The following AGPAT3 variants were observed in gnomAD, a reference collection of about 807,000 sequenced individuals.
AGPAT3 encodes 1-acylglycerol-3-phosphate O-acyltransferase 3, also known as 1-acyl-sn-glycerol-3-phosphate acyltransferase gamma.
Under a neutral mutation model 47.3 loss-of-function variants are expected in AGPAT3, and 5 were observed. The ratio of observed to expected loss-of-function variants is 0.11; its 90% CI spans 0.06 to 0.22. The LOEUF (loss-of-function observed/expected upper bound fraction) is 0.22. Among genes scored for constraint, AGPAT3 ranks in the 10% least tolerant of loss-of-function variants. AGPAT3 has a pLI of 1.00. For missense variants in AGPAT3, 315 were observed against 493.0 expected (o/e 0.64, Z 3.42); for synonymous variants, 212 against 208.3 (o/e 1.02, Z -0.15).
rs1601491812 is a variant in AGPAT3 at position 43,981,817 on chromosome 21, C to A, written c.1043-487C>A. On this transcript the variant is annotated intron_variant, in intron 9 of 9. Coordinates refer to ENST00000291572, the MANE Select transcript of AGPAT3 (RefSeq NM_020132.5). The surrounding 1 kb of genome is among the most constrained non-coding windows in gnomAD (Gnocchi z 5.3). The stretch of plus-strand genomic sequence containing the variant: ...CCAGCTCCTCCCCTGCTCCTGCCGC[C>A]CCTGCCAGGGGCCTTGGTGGGAGGG... 6.6e-6 allele frequency among the ~76,000 whole-genome samples: 1 copy of A among 152,156 alleles called. No individual in the cohort carries two copies. The highest frequency in any genetic ancestry group is 1.9e-4 in the East Asian group (1 of 5,186).
In AGPAT3 at chr21:43,939,110, C is replaced by G. The variant is rs902622452; in HGVS notation, c.-48-20524C>G. ...GCTAGGGGAGCATCCTGGGCAAACC[C>G]TGCTGGGGACAGGTTCGTTGTGTCT... On this transcript the variant is annotated intron_variant, in intron 2 of 9. Transcript: ENST00000291572. The surrounding 1 kb of genome is among the most constrained non-coding windows in gnomAD (Gnocchi z 4.4). Among the ~76,000 whole-genome samples, 3 of 152,214 alleles carry G rather than the reference C, an allele frequency of 2.0e-5. No individual in the cohort carries two copies. Among genetic ancestry groups the G allele is most frequent in the African/African-American group, 7.2e-5 (3 of 41,456 alleles).
chr21:43,935,382 C>T (rs1441011947), intron 2 of AGPAT3, among the ~76,000 whole-genome samples: 1 of 152,250 alleles, frequency 6.6e-6, no homozygotes, highest in African/African-American at 2.4e-5. Flanking sequence ...AGCCGGGGTC[C>T]CCAGCTGGGA....
chr21:43,907,403 C>CT (rs929223566), intron 2 of AGPAT3, among the ~76,000 whole-genome samples: 2 of 152,154 alleles, frequency 1.3e-5, no homozygotes, highest in African/African-American at 4.8e-5. Context: ...ATCTATTACA[C>CT]TTTAACAAAA....
At chr21:43,918,145 G>A (rs1356387225) in intron 2 of AGPAT3, among the ~76,000 whole-genome samples, 1 of 148,488 alleles carries the variant, frequency 6.7e-6, no homozygotes, top group Non-Finnish European at 1.5e-5. Flanking sequence ...GGGTGTTGGA[G>A]TTGTGGGTGT....
chr21:43,959,635 AC>A lies in AGPAT3; in HGVS notation c.-46del. 6.2e-7 allele frequency: 1 copy of A among 1,605,106 alleles called. No individual in the cohort carries two copies. Among genetic ancestry groups the A allele is most frequent in the Non-Finnish European group, 8.5e-7 (1 of 1,179,582 alleles). On this transcript the variant is annotated splice_region_variant and 5_prime_UTR_variant, in exon 3 of 10. Transcript: ENST00000291572. ...CTGTCCCTGTCCCTGTCTTTGCAGG[AC>A]GGCTGTCCTCAGCGAGGGGCCGTGC...
rs1194745051 is a variant in AGPAT3, at chr21:43,978,071, C to A, written c.793C>A (p.Leu265Met). The change falls in exon 8 of 10, where the codon CTG becomes ATG. Residue 265 changes from leucine to methionine, a missense_variant. By Grantham distance (15) the Leu-to-Met change is conservative. Coordinates refer to ENST00000291572, the MANE Select transcript of AGPAT3 (RefSeq NM_020132.5). The stretch of plus-strand genomic sequence containing the variant: ...GAGATTTCCTCTGGAAGACATCCCG[C>A]TGGATGAAAAGGAAGCAGCTCAGTG... Reference protein sequence around the residue: ...VRRFPLEDIPLDEKEAAQWLH... With the variant: ...VRRFPLEDIPMDEKEAAQWLH... The A allele has an allele frequency of 6.2e-7, 1 of 1,613,636 alleles. No individual in the cohort carries two copies. Among genetic ancestry groups the A allele is most frequent in the South Asian group, 1.1e-5 (1 of 90,950 alleles).
Position 43,955,150 on chromosome 21 carries a change from C to A in AGPAT3, c.-48-4484C>A. 7.8e-7 allele frequency: 1 copy of A among 1,277,692 alleles called. No individual in the cohort carries two copies. Among genetic ancestry groups the A allele is most frequent in the South Asian group, 1.3e-5 (1 of 79,288 alleles). 79.1% of individuals were successfully genotyped at this position (1,277,692 alleles called of 1,614,324 possible). A position where few individuals can be genotyped will look rare whatever the true frequency, so the allele number is the denominator to read the frequency against. On this transcript the variant is annotated intron_variant, in intron 2 of 9. Transcript: ENST00000291572. The surrounding 1 kb of genome is among the most constrained non-coding windows in gnomAD (Gnocchi z 4.1). ...GTCACTCAGCAGCCACGGATGCGCC[C>A]TGGGTGCTGTCCCGGGGCCGTCTCA...
At chr21:43,956,280 G>A (rs950214742) in intron 2 of AGPAT3, among the ~76,000 whole-genome samples, 5 of 151,070 alleles carry the variant, frequency 3.3e-5, no homozygotes, top group Admixed American at 2.0e-4. Context: ...CCCACCCTGG[G>A]GGGGCTGCAG....
intron 1 of AGPAT3, among the ~76,000 whole-genome samples, chr21:43,898,825 C>G (rs1332876683): frequency 6.6e-6 from 1 of 152,210 alleles, no homozygotes. Flanking sequence ...CCACACCCAG[C>G]CTGTGTATTT....
At chr21:43,901,457 A>G (rs1569054435) in intron 1 of AGPAT3, among the ~76,000 whole-genome samples, 1 of 151,606 alleles carries the variant, frequency 6.6e-6, no homozygotes, top group African/African-American at 2.4e-5. Context: ...GGCAAATATG[A>G]TAAAAATAAA....
chr21:43,903,836 G>A lies in AGPAT3; in HGVS notation c.-111-121G>A, dbSNP rs141283864. 828 of 152,414 alleles carry A rather than the reference G, an allele frequency of 5.4e-3. 8 individuals carry two copies. The highest frequency in any genetic ancestry group is 0.01 in the Middle Eastern group (3 of 294). 9.4% of individuals were successfully genotyped at this position (152,414 alleles called of 1,614,324 possible). ...GTTGATCGGGAAAGGATGTTAATGC[G>A]TGCTTGTCAGTCTCCCTGACATGCA... On this transcript the variant is annotated intron_variant, in intron 1 of 9. Transcript: ENST00000291572.
chr21:43,905,152 AAAATATTTATTTATT>A (rs2086459561), intron 2 of AGPAT3, among the ~76,000 whole-genome samples: 1 of 140,960 alleles, frequency 7.1e-6, no homozygotes, highest in African/African-American at 2.7e-5. Flanking sequence ...TTTTTTAAAA[AAAATATTTATTTATT>A]TATTTATTTA....
At chr21:43,881,321 T>C (rs1444028995) in intron 1 of AGPAT3, among the ~76,000 whole-genome samples, 1 of 152,204 alleles carries the variant, frequency 6.6e-6, no homozygotes, top group Non-Finnish European at 1.5e-5. Flanking sequence ...AATTAACCAC[T>C]ATAAATACTT....
intron 1 of AGPAT3, among the ~76,000 whole-genome samples, chr21:43,899,830 C>T (rs938840033): frequency 1.3e-5 from 2 of 152,238 alleles, no homozygotes; most frequent in South Asian, 2.1e-4. Flanking sequence ...GGTAGAGATT[C>T]GTGACCCAGC....
intron 2 of AGPAT3, among the ~76,000 whole-genome samples, chr21:43,907,029 CTTTTTTT>C (rs760824887): frequency 1.0e-4 from 13 of 128,816 alleles, no homozygotes; most frequent in African/African-American, 2.7e-4. Flanking sequence ...TCTTTTCTTT[CTTTTTTT>C]TTTTTTTTTT....
At chr21:43,978,279 G>GTTGTTTTGTT (rs111639209) in intron 8 of AGPAT3, among the ~76,000 whole-genome samples, 158 bp downstream of exon 8, 2 of 151,646 alleles carry the variant, frequency 1.3e-5, no homozygotes, top group African/African-American at 4.8e-5. Context: ...TCTTCTTTCT[G>GTTGTTTTGTT]TTGTTTTGTT....
chr21:43,918,621 C>G (rs1227598595), intron 2 of AGPAT3, among the ~76,000 whole-genome samples: 2 of 144,562 alleles, frequency 1.4e-5, no homozygotes, highest in Non-Finnish European at 3.0e-5. Context: ...GACTCTTGCT[C>G]TGCCACCCAG....
intron 2 of AGPAT3, among the ~76,000 whole-genome samples, chr21:43,904,255 A>G (rs1198384355): frequency 6.6e-6 from 1 of 152,208 alleles, no homozygotes; most frequent in Non-Finnish European, 1.5e-5. Context: ...AAGTTCAGGT[A>G]ACTTTGTTCT....
At chr21:43,881,537 G>A (rs1417465435) in intron 1 of AGPAT3, among the ~76,000 whole-genome samples, 1 of 152,230 alleles carries the variant, frequency 6.6e-6, no homozygotes, top group African/African-American at 2.4e-5. Flanking sequence ...GGTGTGAAAT[G>A]CACGCCGATC....
Sources: allele counts gnomAD v4.1 joint callset (sites outside exome capture counted in the v4.1 genomes callset), GRCh38; gene constraint gnomAD v4.1.1; non-coding constraint Gnocchi (gnomAD v3.1); transcripts MANE v1.5; gene names NCBI Gene and HGNC (gene_info 2026-07-23, HGNC 2026-07-21).